Variants in SHQ1 observed in about 807,000 individuals in gnomAD.
SHQ1 encodes protein SHQ1 homolog.
A neutral mutation model predicts 53.8 loss-of-function variants in SHQ1; 49 were observed. That is an observed-to-expected ratio of 0.91 (90% CI 0.72 to 1.16). The LOEUF (loss-of-function observed/expected upper bound fraction) is 1.16, where lower values mean the gene tolerates loss of function less well. Among genes scored for constraint, SHQ1 ranks in the 50% most tolerant of loss-of-function variants. The pLI, the probability that SHQ1 is intolerant of heterozygous loss-of-function variation, is 0.00. For synonymous variants in SHQ1, 243 were observed against 251.0 expected, an observed-to-expected ratio of 0.97 and a Z score of 0.30; for missense variants, 738 against 683.1, an observed-to-expected ratio of 1.08 and a Z score of -0.90.
rs542193075 is a variant in SHQ1 at position 72,782,397 on chromosome 3, A to G, written c.1181+10519T>C. Among the ~76,000 whole-genome samples, 68 of 152,232 alleles carry G rather than the reference A, an allele frequency of 4.5e-4. 2 individuals are homozygous for G. The highest frequency in any genetic ancestry group is 4.1e-3 in the Admixed American group (63 of 15,286). The stretch of plus-strand genomic sequence containing the variant: ...TGAAAAAAACTGTAAAATGTCATAT[A>G]AATCACTTAAAATCCAGAAATATAC... On this transcript the variant is annotated intron_variant, in intron 10 of 10. Transcript: ENST00000325599.
At chr3:72,759,221 G>A (rs1486847079) in intron 10 of SHQ1, among the ~76,000 whole-genome samples, 1 of 152,174 alleles carries the variant, frequency 6.6e-6, no homozygotes, top group Non-Finnish European at 1.5e-5. Flanking sequence ...GTGAGGTTCT[G>A]CAAGGACATG....
intron 10 of SHQ1, among the ~76,000 whole-genome samples, chr3:72,776,088 T>C (rs1705953331): frequency 6.6e-6 from 1 of 152,166 alleles, no homozygotes; most frequent in Admixed American, 6.5e-5. Context: ...GAAACCAAAC[T>C]GTCATTACTT....
chr3:72,810,223 G>A (rs1707076541), intron 9 of SHQ1, among the ~76,000 whole-genome samples: 1 of 152,128 alleles, frequency 6.6e-6, no homozygotes, highest in Non-Finnish European at 1.5e-5. Flanking sequence ...AGTACTTAAG[G>A]GGCAAAGCAG....
rs11366992 is a variant in SHQ1, at chr3:72,801,141, T to TA, written c.1061-8106dup. Among the ~76,000 whole-genome samples, 171 of 149,680 alleles carry TA rather than the reference T, an allele frequency of 1.1e-3. 1 individual carries two copies. Among genetic ancestry groups the TA allele is most frequent in the Non-Finnish European group, 2.1e-3 (144 of 67,020 alleles). ...GGCATCCAAGTTCAAGGTAGAACAT[T>TA]AAAAAAAAAAATCTCTGTCTACACA... is the stretch of plus-strand genomic sequence containing the variant. On this transcript the variant is annotated intron_variant, in intron 9 of 10. Transcript: ENST00000325599.
intron 10 of SHQ1, among the ~76,000 whole-genome samples, chr3:72,777,194 T>C (rs1320863758): frequency 1.3e-5 from 2 of 152,176 alleles, no homozygotes; most frequent in Admixed American, 6.5e-5. Flanking sequence ...AAGGAACACA[T>C]TGAGAAATTC....
In SHQ1 at chr3:72,788,308, C is replaced by T. The variant is rs528959108; in HGVS notation, c.1181+4608G>A. Among the ~76,000 whole-genome samples, 1,291 of 150,916 alleles carry T rather than the reference C, an allele frequency of 8.6e-3. 16 individuals carry two copies. Among genetic ancestry groups the T allele is most frequent in the African/African-American group, 0.03 (1,214 of 41,088 alleles). On this transcript the variant is annotated intron_variant, in intron 10 of 10. Transcript: ENST00000325599. ...GCCGCCCAGTCTGGGAAGTGAGGAG[C>T]GCCTCTGCCCGGCTGCGACCCCATC...
chr3:72,805,303 G>C (rs905070109), intron 9 of SHQ1, among the ~76,000 whole-genome samples: 1 of 152,070 alleles, frequency 6.6e-6, no homozygotes, highest in African/African-American at 2.4e-5. Context: ...ATGTATTCCT[G>C]GTAAAACATA....
Position 72,758,571 on chromosome 3 carries a change from T to TC in SHQ1, c.1182-7736_1182-7735insG, listed in dbSNP as rs1183448342. On this transcript the variant is annotated intron_variant, in intron 10 of 10. Coordinates refer to ENST00000325599, the MANE Select transcript of SHQ1 (RefSeq NM_018130.3). The stretch of plus-strand genomic sequence containing the variant: ...CTCCTGAGGCTACTATTTTTTCTTT[T>TC]TTTTTTTTTTTTTTCCGAGATGGAG... 5.6e-3 allele frequency among the ~76,000 whole-genome samples: 816 copies of TC among 146,790 alleles called. 8 individuals carry two copies. Among genetic ancestry groups the TC allele is most frequent in the African/African-American group, 0.018 (726 of 39,532 alleles).
intron 10 of SHQ1, among the ~76,000 whole-genome samples, chr3:72,756,431 AC>A (rs1705498231): frequency 6.6e-6 from 1 of 151,500 alleles, no homozygotes; most frequent in South Asian, 2.1e-4. Context: ...ATGCGCCACC[AC>A]GCCCGGCTAA....
At chr3:72,813,435 C>T (rs1331037424) in intron 8 of SHQ1, among the ~76,000 whole-genome samples, 2 of 138,096 alleles carry the variant, frequency 1.4e-5, no homozygotes, top group Non-Finnish European at 3.0e-5. Flanking sequence ...TACTGCACTC[C>T]AGCCTGGACA....
intron 4 of SHQ1, among the ~76,000 whole-genome samples, chr3:72,839,271 C>T (rs1217413459): frequency 6.6e-6 from 1 of 152,170 alleles, no homozygotes; most frequent in Non-Finnish European, 1.5e-5. Context: ...CAATTGAGGG[C>T]CATTCACTGT....
At chr3:72,731,657 C>T in the SHQ1 span, among the ~76,000 whole-genome samples, 1 of 149,752 alleles carries the variant, frequency 6.7e-6, no homozygotes, top group African/African-American at 2.5e-5. Context: ...CACTGCACTC[C>T]AGCCTGGGTG....
chr3:72,742,904 G>A, the SHQ1 span, among the ~76,000 whole-genome samples: 2 of 152,120 alleles, frequency 1.3e-5, no homozygotes, highest in Non-Finnish European at 2.9e-5. Flanking sequence ...CCAAAGTGCC[G>A]GGATTACAGG....
intron 10 of SHQ1, among the ~76,000 whole-genome samples, chr3:72,754,072 C>A (rs188964936): frequency 6.6e-6 from 1 of 152,148 alleles, no homozygotes; most frequent in African/African-American, 2.4e-5. Context: ...TTTTACTTTA[C>A]TGACTATATA....
chr3:72,765,583 T>C (rs1248895011), intron 10 of SHQ1, among the ~76,000 whole-genome samples: 1 of 127,286 alleles, frequency 7.9e-6, no homozygotes, highest in Non-Finnish European at 1.6e-5. Flanking sequence ...TGAGACAGTC[T>C]CACTCTGTCA....
At chr3:72,744,536 T>C (rs1295713907), downstream of SHQ1, among the ~76,000 whole-genome samples, 4 of 152,228 alleles carry the variant, frequency 2.6e-5, no homozygotes, top group Non-Finnish European at 4.4e-5. Context: ...TTTATCTGTT[T>C]GACATGTGTT....
chr3:72,726,208 G>A, the SHQ1 span, among the ~76,000 whole-genome samples: 1 of 152,196 alleles, frequency 6.6e-6, no homozygotes, highest in African/African-American at 2.4e-5. Flanking sequence ...TAAAGGCATA[G>A]CAAAGACTCC....
intron 9 of SHQ1, 136 bp downstream of exon 9, chr3:72,812,535 A>G: frequency 7.9e-6 from 7 of 889,446 alleles, no homozygotes; most frequent in Non-Finnish European, 1.2e-5. Flanking sequence ...GGAATTCTAT[A>G]CTTTAAAAGT....
downstream of SHQ1, among the ~76,000 whole-genome samples, chr3:72,746,368 G>A (rs968874234): frequency 1.2e-4 from 18 of 152,250 alleles, no homozygotes; most frequent in African/African-American, 4.3e-4. Flanking sequence ...GGTTATAGGA[G>A]ATCCCTAAAG....
Sources: gnomAD v4.1 joint callset for allele counts (sites outside exome capture counted in the v4.1 genomes callset) on GRCh38, gnomAD v4.1.1 for gene constraint, MANE v1.5 for transcripts, NCBI Gene and HGNC (gene_info 2026-07-23, HGNC 2026-07-21) for gene names.